The following INSIG2 variants were observed in gnomAD, a reference collection of about 807,000 sequenced individuals.
The protein encoded by INSIG2 is insulin induced gene 2, also known as insulin-induced gene 2 protein.
INSIG2 carries 10 observed loss-of-function variants against 27.2 expected under a neutral mutation model. The ratio of observed to expected loss-of-function variants is 0.37; its 90% CI spans 0.23 to 0.62. The LOEUF is 0.62. INSIG2 is among the 20% of genes least tolerant of loss of function. The pLI, the probability that INSIG2 is intolerant of heterozygous loss-of-function variation, is 0.65. For missense variants in INSIG2, 178 were observed against 270.2 expected, an observed-to-expected ratio of 0.66 and a Z score of 2.39; for synonymous variants, 97 against 95.8, an observed-to-expected ratio of 1.01 and a Z score of -0.07.
chr2:118,100,735 T>C (rs1678524889), intron 2 of INSIG2, among the ~76,000 whole-genome samples: 1 of 152,202 alleles, frequency 6.6e-6, no homozygotes, highest in Non-Finnish European at 1.5e-5. Flanking sequence ...AGGGCTTAAG[T>C]ATTTGTTGAA....
intron 3 of INSIG2, among the ~76,000 whole-genome samples, chr2:118,104,985 A>G (rs1367401125): frequency 1.3e-5 from 2 of 152,214 alleles, no homozygotes; most frequent in Non-Finnish European, 2.9e-5. Context: ...TGTTTACCAA[A>G]TTTATAGCAT....
intron 4 of INSIG2, 87 bp from the exon 5 acceptor site, chr2:118,107,003 T>C: frequency 6.8e-7 from 1 of 1,478,334 alleles, no homozygotes; most frequent in Non-Finnish European, 9.4e-7. Flanking sequence ...GCCAGTTTAA[T>C]CTACAGAGTA....
intron 3 of INSIG2, among the ~76,000 whole-genome samples, chr2:118,104,700 T>C (rs1042651860): frequency 2.6e-5 from 4 of 152,170 alleles, no homozygotes; most frequent in African/African-American, 9.7e-5. Flanking sequence ...AGAACAGCCC[T>C]GAGACAGCCT....
At chr2:118,103,155 C>T in intron 2 of INSIG2, 42 bp from the exon 3 acceptor site, 1 of 1,571,240 alleles carries the variant, frequency 6.4e-7, no homozygotes, top group Non-Finnish European at 8.7e-7. Context: ...GTTGCCAGTA[C>T]AACATTGGAG....
intron 3 of INSIG2, among the ~76,000 whole-genome samples, chr2:118,105,547 A>G (rs769292709): frequency 6.6e-5 from 10 of 152,200 alleles, no homozygotes; most frequent in Non-Finnish European, 1.2e-4. Context: ...AACAATAAGA[A>G]AAGCTTTTCC....
intron 3 of INSIG2, among the ~76,000 whole-genome samples, chr2:118,106,424 C>T (rs1378707005): frequency 2.0e-5 from 3 of 152,158 alleles, no homozygotes; most frequent in East Asian, 3.8e-4. Context: ...GAAAGCATTT[C>T]TTAAATAATG....
Position 118,106,877 on chromosome 2 carries a change from A to G in INSIG2, c.510A>G (p.Gln170=), listed in dbSNP as rs1678685384. ...CCTTCTTGGCAACTGTGGTCACTCA[A>G]CTGCTAGTATATAATGGTGTTTACC... is the stretch of plus-strand genomic sequence containing the variant. ...GIAFLATVVT[Q]LLVYNGVYQY... is the part of the protein sequence containing the mutation. Residue 170 remains glutamine, a synonymous_variant, in exon 4 of 6, where the codon CAA becomes CAG. Transcript: ENST00000245787. 5 of 1,614,128 alleles carry G rather than the reference A, an allele frequency of 3.1e-6. No individual in the cohort carries two copies. The highest frequency in any genetic ancestry group is 4.2e-6 in the Non-Finnish European group (5 of 1,179,972).
At chr2:118,102,411 C>T (rs1464148757) in intron 2 of INSIG2, 1 of 152,140 alleles carries the variant, frequency 6.6e-6, no homozygotes, top group Non-Finnish European at 1.5e-5. Context: ...AGTGTTCTTT[C>T]CAAAACTAAG....
At chr2:118,100,919 A>T (rs530122044) in intron 2 of INSIG2, among the ~76,000 whole-genome samples, 1 of 152,248 alleles carries the variant, frequency 6.6e-6, no homozygotes, top group African/African-American at 2.4e-5. Context: ...TATTTTACAA[A>T]CTTCTTTAGT....
At chr2:118,099,553 G>A (rs1162214219) in intron 2 of INSIG2, among the ~76,000 whole-genome samples, 1 of 152,064 alleles carries the variant, frequency 6.6e-6, no homozygotes, top group Non-Finnish European at 1.5e-5. Flanking sequence ...AATCTTTTCA[G>A]CATTATTGAG....
rs112333264 is a variant in INSIG2 at position 118,106,979 on chromosome 2, A to T, written c.536+76A>T. 5.2e-6 allele frequency: 8 copies of T among 1,544,118 alleles called. No individual in the cohort carries two copies. In the Admixed American group the frequency reaches 1.0e-4, roughly 20 times the overall value. On this transcript the variant is annotated intron_variant, in intron 4 of 5. Transcript: ENST00000245787. ...GATAACCGCTTTCAGAATTGAGATTATGAAATGAGGTTAGCCAGTTTAATC... is the reference window on the plus strand; with the variant it reads ...GATAACCGCTTTCAGAATTGAGATTTTGAAATGAGGTTAGCCAGTTTAATC...
At chr2:118,105,869 C>T (rs1467965082) in intron 3 of INSIG2, among the ~76,000 whole-genome samples, 1 of 152,122 alleles carries the variant, frequency 6.6e-6, no homozygotes, top group Admixed American at 6.5e-5. Flanking sequence ...GCCTTTGGGA[C>T]ATAGATAATG....
At chr2:118,107,872 A>C (rs74760448) in intron 5 of INSIG2, among the ~76,000 whole-genome samples, 7,865 of 152,250 alleles carry the variant, frequency 0.052, 228 homozygotes, top group Middle Eastern at 0.11. Context: ...TAGCAATTTG[A>C]AAATACAGTG....
In INSIG2 at chr2:118,108,307, ATCTC is replaced by A; in HGVS notation, c.664_667del (p.Ser222IlefsTer17). On this transcript the variant is annotated frameshift_variant, in exon 6 of 6. Coordinates refer to ENST00000245787, the MANE Select transcript of INSIG2 (RefSeq NM_016133.4). LOFTEE classifies it high-confidence loss of function. Reference sequence around the variant, plus strand: ...ACGAATGTAAAGTTATCGCAGAAAAATCTCATCAGGAATGAAGAAGGCAAAAAAT... The same window carrying A: ...ACGAATGTAAAGTTATCGCAGAAAAAATCAGGAATGAAGAAGGCAAAAAAT... The A allele has an allele frequency of 6.2e-7, 1 of 1,600,222 alleles. No homozygotes were observed. The highest frequency in any genetic ancestry group is 8.5e-7 in the Non-Finnish European group (1 of 1,173,448).
chr2:118,100,462 T>G (rs1430534938), intron 2 of INSIG2, among the ~76,000 whole-genome samples: 2 of 123,662 alleles, frequency 1.6e-5, no homozygotes, highest in African/African-American at 6.1e-5. Context: ...TACTGCAACC[T>G]CCACCTCCCA....
At chr2:118,090,795 A>T (rs894315626) in intron 1 of INSIG2, among the ~76,000 whole-genome samples, 3 of 152,212 alleles carry the variant, frequency 2.0e-5, no homozygotes, top group Non-Finnish European at 2.9e-5. Context: ...GTGAAGCAGG[A>T]AGAACTCCGG....
At chr2:118,104,921 T>G (rs759709395) in intron 3 of INSIG2, among the ~76,000 whole-genome samples, 1 of 152,256 alleles carries the variant, frequency 6.6e-6, no homozygotes, top group African/African-American at 2.4e-5. Flanking sequence ...CTCAATGAAA[T>G]ACTTAAATAT....
intron 1 of INSIG2, among the ~76,000 whole-genome samples, chr2:118,094,265 A>ATGATGATGG (rs1678352846): frequency 2.0e-5 from 3 of 148,510 alleles, no homozygotes; most frequent in Admixed American, 6.7e-5. Flanking sequence ...GATGATGATG[A>ATGATGATGG]TGAAGGAGAG....
intron 3 of INSIG2, among the ~76,000 whole-genome samples, chr2:118,103,884 A>C (rs1029192228): frequency 4.6e-5 from 7 of 152,194 alleles, no homozygotes; most frequent in South Asian, 2.1e-4. Flanking sequence ...TATTGTTTGA[A>C]GATTCAGACA....
Sources: gnomAD v4.1 joint callset for allele counts (sites outside exome capture counted in the v4.1 genomes callset) on GRCh38, gnomAD v4.1.1 for gene constraint, MANE v1.5 for transcripts, NCBI Gene and HGNC (gene_info 2026-07-23, HGNC 2026-07-21) for gene names.